PPP1R1C: variants seen among roughly 807,000 people sequenced by gnomAD.
PPP1R1C encodes protein phosphatase 1 regulatory inhibitor subunit 1C.
PPP1R1C carries 15 observed loss-of-function variants against 17.4 expected under a neutral mutation model. That is an observed-to-expected ratio of 0.86 (90% CI 0.58 to 1.33). PPP1R1C has a LOEUF of 1.33. Among genes scored for constraint, PPP1R1C ranks in the 40% most tolerant of loss-of-function variants. PPP1R1C has a pLI of 0.00. For missense variants in PPP1R1C, 143 were observed against 130.0 expected, an observed-to-expected ratio of 1.10 and a Z score of -0.48; for synonymous variants, 35 against 43.1, an observed-to-expected ratio of 0.81 and a Z score of 0.73.
intron 2 of PPP1R1C, among the ~76,000 whole-genome samples, chr2:182,015,596 A>G (rs1228863921): frequency 2.6e-5 from 4 of 152,238 alleles, no homozygotes; most frequent in South Asian, 4.2e-4. Context: ...ATGTTTATTC[A>G]ATGCCCAAGA....
chr2:182,129,691 G>A (rs1276832139), exon 6 of PPP1R1C: 2 of 152,048 alleles, frequency 1.3e-5, no homozygotes, highest in East Asian at 1.9e-4. Context: ...GTCCCCAAAT[G>A]AACCAATAAT....
rs138451023 is a variant in PPP1R1C at position 181,957,703 on chromosome 2, G to C, written n.111+3069G>C. Among the ~76,000 whole-genome samples the C allele has an allele frequency of 1.0e-3, 153 of 152,178 alleles. No homozygotes were observed. Among genetic ancestry groups the C allele is most frequent in the Non-Finnish European group, 1.5e-3 (103 of 68,000 alleles). ...TTCCCATTGCATACCTTAGGAATCT[G>C]TCTCCCATGCCCCACTCAGCTCCCC... On this transcript the variant is annotated intron_variant and non_coding_transcript_variant, in intron 1 of 5. Coordinates refer to the PPP1R1C transcript ENST00000464264. The surrounding 1 kb of genome is among the most constrained non-coding windows in gnomAD (Gnocchi z 4.2).
At chr2:182,030,497 T>G (rs990711269) in intron 2 of PPP1R1C, among the ~76,000 whole-genome samples, 5 of 150,506 alleles carry the variant, frequency 3.3e-5, no homozygotes, top group Non-Finnish European at 5.9e-5. Context: ...GTGCCCCTGC[T>G]GGGGGGTGCC....
At position 181,961,779 on chromosome 2, in the gene PPP1R1C, G is replaced by C; in HGVS notation, n.111+7145G>C. The C allele has an allele frequency of 1.5e-6, 2 of 1,310,032 alleles. No individual in the cohort carries two copies. Among genetic ancestry groups the C allele is most frequent in the Non-Finnish European group, 2.2e-6 (2 of 915,264 alleles). 81.2% of individuals were successfully genotyped at this position (1,310,032 alleles called of 1,614,324 possible). The stretch of plus-strand genomic sequence containing the variant: ...GAGATTTGGGGGCATCTACCTCCAC[G>C]GTCAACTCAGAGCTGGCAATCTGGG... On this transcript the variant is annotated intron_variant and non_coding_transcript_variant, in intron 1 of 5. Transcript: ENST00000464264. The surrounding 1 kb of genome is among the most constrained non-coding windows in gnomAD (Gnocchi z 5.8).
rs930600832 is a variant in PPP1R1C, at chr2:182,080,726, A to G, written c.241+16935A>G. On this transcript the variant is annotated intron_variant, in intron 4 of 4. Coordinates refer to ENST00000682840, the MANE Select transcript of PPP1R1C (RefSeq NM_001080545.3). ...CAGAAAAGGAGAAGCTTTAAGGGGA[A>G]AAAAAAAGGAAAATATTAACTGCTT... is the stretch of plus-strand genomic sequence containing the variant. Among the ~76,000 whole-genome samples the G allele has an allele frequency of 1.1e-3, 162 of 152,012 alleles. 1 individual carries two copies. Among genetic ancestry groups the G allele is most frequent in the Middle Eastern group, 3.4e-3 (1 of 294 alleles).
Position 182,074,195 on chromosome 2 carries a change from T to C in PPP1R1C, c.241+10404T>C, listed in dbSNP as rs575658966. On this transcript the variant is annotated intron_variant, in intron 4 of 4. Transcript: ENST00000682840. ...TAGCTGGGACTACAGGCGCCCGCCA[T>C]CACGCCCGGCTAATTTTTTGTACTT... Among the ~76,000 whole-genome samples the C allele has an allele frequency of 9.1e-4, 138 of 151,908 alleles. 1 individual carries two copies. The highest frequency in any genetic ancestry group is 3.0e-3 in the African/African-American group (125 of 41,436).
Position 182,052,519 on chromosome 2 carries a change from A to T in PPP1R1C, c.143-8923A>T, listed in dbSNP as rs529697038. Among the ~76,000 whole-genome samples, 4 of 152,336 alleles carry T rather than the reference A, an allele frequency of 2.6e-5. No individual in the cohort carries two copies. In the East Asian group the frequency reaches 7.7e-4, roughly 29 times the overall value. ...CCCACACAGCAATGGTAGTTTTGTG[A>T]AATTTAATTCGATTTCGGTGAATTC... On this transcript the variant is annotated intron_variant, in intron 2 of 4. Coordinates refer to ENST00000682840, the MANE Select transcript of PPP1R1C (RefSeq NM_001080545.3).
At position 181,994,790 on chromosome 2, in the gene PPP1R1C, G is replaced by T. The variant is rs535197331; in HGVS notation, c.142+6891G>T. Reference sequence around the variant, plus strand: ...GATACAATTGTAATAACAGAAATCCGTGTTGCTGAAACCACAGTAAAGCTA... The same window carrying T: ...GATACAATTGTAATAACAGAAATCCTTGTTGCTGAAACCACAGTAAAGCTA... On this transcript the variant is annotated intron_variant, in intron 2 of 4. Coordinates refer to ENST00000682840, the MANE Select transcript of PPP1R1C (RefSeq NM_001080545.3). 2.6e-5 allele frequency among the ~76,000 whole-genome samples: 4 copies of T among 152,136 alleles called. No homozygotes were observed. The South Asian group carries it at 8.3e-4, about 32-fold the overall frequency.
chr2:181,997,365 A>G (rs1184032349), intron 2 of PPP1R1C, among the ~76,000 whole-genome samples: 1 of 152,196 alleles, frequency 6.6e-6, no homozygotes, highest in African/African-American at 2.4e-5. Context: ...TTAACCAAGT[A>G]ATAAATCCAT....
At chr2:181,963,576 C>G (rs1463659725) in intron 1 of PPP1R1C, among the ~76,000 whole-genome samples, 1 of 152,130 alleles carries the variant, frequency 6.6e-6, no homozygotes, top group Admixed American at 6.5e-5. Flanking sequence ...ACCCGGGAGG[C>G]AGAGGTTGCA....
intron 2 of PPP1R1C, among the ~76,000 whole-genome samples, chr2:181,997,475 A>T (rs944568790): frequency 1.3e-5 from 2 of 152,008 alleles, no homozygotes; most frequent in South Asian, 2.1e-4. Flanking sequence ...GCTAATAATA[A>T]TTTTTTTGTT....
downstream of PPP1R1C, chr2:182,130,316 C>A (rs1424977725): frequency 6.6e-6 from 1 of 152,116 alleles, no homozygotes; most frequent in Non-Finnish European, 1.5e-5. Flanking sequence ...CATAATCACC[C>A]AGACCTACCT....
intron 4 of PPP1R1C, among the ~76,000 whole-genome samples, chr2:182,112,153 T>G (rs2125234972): frequency 6.6e-6 from 1 of 152,296 alleles, no homozygotes; most frequent in Admixed American, 6.5e-5. Context: ...TACCTGTTTC[T>G]TTTTCATGCT....
intron 2 of PPP1R1C, chr2:182,048,773 A>G (rs1211616704): frequency 6.6e-6 from 1 of 152,182 alleles, no homozygotes. Context: ...GTTGTAATCC[A>G]AAGGTCGCTG....
At position 181,961,279 on chromosome 2, in the gene PPP1R1C, A is replaced by G. The variant is rs759137795; in HGVS notation, n.111+6645A>G. 4.5e-5 allele frequency: 34 copies of G among 748,832 alleles called. No individual in the cohort carries two copies. Among genetic ancestry groups the G allele is most frequent in the African/African-American group, 6.8e-5 (4 of 58,654 alleles). 46.4% of individuals were successfully genotyped at this position (748,832 alleles called of 1,614,324 possible). A position where few individuals can be genotyped will look rare whatever the true frequency, so the allele number is the denominator to read the frequency against. Reference sequence around the variant, plus strand: ...GGGTGGTGGTCTTTGGATGGTTTGCATGGAGTTGCTGTTGTCCAGGGCATC... The same window carrying G: ...GGGTGGTGGTCTTTGGATGGTTTGCGTGGAGTTGCTGTTGTCCAGGGCATC... On this transcript the variant is annotated intron_variant and non_coding_transcript_variant, in intron 1 of 5. Coordinates refer to the PPP1R1C transcript ENST00000464264. This position sits in a 1 kb window ranked among gnomAD's most constrained non-coding sequence, Gnocchi z 5.8.
At chr2:182,076,534 T>C (rs1188381969) in intron 4 of PPP1R1C, among the ~76,000 whole-genome samples, 1 of 151,934 alleles carries the variant, frequency 6.6e-6, no homozygotes, top group Non-Finnish European at 1.5e-5. Context: ...GGAAAGAGCA[T>C]TGGATCTGTG....
chr2:182,013,661 T>G (rs12998659), intron 2 of PPP1R1C, among the ~76,000 whole-genome samples: 49,290 of 151,668 alleles, frequency 0.32, 9,593 homozygotes, highest in Non-Finnish European at 0.42. Flanking sequence ...GACCATCAAC[T>G]CTTAGATTTG....
intron 2 of PPP1R1C, among the ~76,000 whole-genome samples, chr2:182,039,325 G>T (rs950182462): frequency 4.6e-5 from 7 of 152,126 alleles, no homozygotes; most frequent in African/African-American, 7.2e-5. Context: ...CCAGCTTCCT[G>T]TTAGAGATGT....
Position 182,049,694 on chromosome 2 carries a change from G to A in PPP1R1C, c.143-11748G>A, listed in dbSNP as rs150334270. 6.6e-5 allele frequency among the ~76,000 whole-genome samples: 10 copies of A among 152,192 alleles called. No homozygotes were observed. The East Asian group carries it at 9.7e-4, about 15-fold the overall frequency. On this transcript the variant is annotated intron_variant, in intron 2 of 4. Transcript: ENST00000682840. Reference sequence around the variant, plus strand: ...ATCATGTATTCCAATAATAAATTGTGCTAGGAAAGTCCCAATTTTAGTTTT... The same window carrying A: ...ATCATGTATTCCAATAATAAATTGTACTAGGAAAGTCCCAATTTTAGTTTT...
Sources: allele counts gnomAD v4.1 joint callset (sites outside exome capture counted in the v4.1 genomes callset), GRCh38; gene constraint gnomAD v4.1.1; non-coding constraint Gnocchi (gnomAD v3.1); transcripts MANE v1.5; gene names NCBI Gene and HGNC (gene_info 2026-07-23, HGNC 2026-07-21).